Variants in ALG9 observed in about 807,000 individuals in gnomAD.
ALG9 encodes ALG9 alpha-1,2-mannosyltransferase, also known as alpha-1,2-mannosyltransferase ALG9.
In ALG9, 55 loss-of-function variants were observed where a neutral mutation model predicts 81.8. That is an observed-to-expected ratio of 0.67 (90% confidence interval 0.54 to 0.84). The LOEUF (loss-of-function observed/expected upper bound fraction) is 0.84, where lower values mean the gene tolerates loss of function less well. Ranked by LOEUF, ALG9 falls within the 40% of genes least tolerant of loss-of-function variation. The pLI, the probability that ALG9 is intolerant of heterozygous loss-of-function variation, is 0.00. For missense variants in ALG9, 629 were observed against 745.0 expected (o/e 0.84, Z 1.81); for synonymous variants, 278 against 274.3 (o/e 1.01, Z -0.13).
At position 111,852,337 on chromosome 11, in the gene ALG9, T is replaced by TC. The variant is rs1337609987; in HGVS notation, c.895+1042dup. Among the ~76,000 whole-genome samples, 11 of 152,216 alleles carry TC rather than the reference T, an allele frequency of 7.2e-5. No homozygotes were observed. The East Asian group carries it at 1.7e-3, about 24-fold the overall frequency. On this transcript the variant is annotated intron_variant, in intron 8 of 14. Transcript: ENST00000616540. ...TTTGATCCAAAAGATCTCTAGCTCA[T>TC]CCCCCCATTACTGTAACTAACGCAA...
chr11:111,818,520 A>T (rs1951856281), intron 13 of ALG9, among the ~76,000 whole-genome samples: 1 of 152,232 alleles, frequency 6.6e-6, no homozygotes, highest in South Asian at 2.1e-4. Context: ...CTCGTGGAAC[A>T]TTCCCTGTTG....
At chr11:111,861,512 C>T (rs1441312600) in intron 4 of ALG9, among the ~76,000 whole-genome samples, 1 of 152,198 alleles carries the variant, frequency 6.6e-6, no homozygotes, top group Non-Finnish European at 1.5e-5. Flanking sequence ...CTCTCTGTCG[C>T]TCAGGCTGGA....
chr11:111,822,476 C>T (rs1015073298), intron 13 of ALG9, among the ~76,000 whole-genome samples: 7 of 148,382 alleles, frequency 4.7e-5, no homozygotes, highest in Admixed American at 1.4e-4. Flanking sequence ...CTTTGGGAGG[C>T]CAAGGTGGGC....
chr11:111,858,183 T>C (rs1555145018), intron 5 of ALG9, among the ~76,000 whole-genome samples: 2 of 152,080 alleles, frequency 1.3e-5, no homozygotes, highest in African/African-American at 2.4e-5. Flanking sequence ...GATCTGCCTG[T>C]CTCGACCTCC....
intron 12 of ALG9, chr11:111,836,832 A>G (rs1955376345): frequency 5.9e-6 from 1 of 170,578 alleles, no homozygotes; most frequent in Admixed American, 5.7e-5. Context: ...TATGAAGCAT[A>G]AGAAACTACT....
At chr11:111,867,883 A>G (rs1203432425) in intron 3 of ALG9, among the ~76,000 whole-genome samples, 1 of 151,974 alleles carries the variant, frequency 6.6e-6, no homozygotes, top group Non-Finnish European at 1.5e-5. Context: ...GTTAGTGGGA[A>G]GTCTCTACCT....
In ALG9 at chr11:111,862,562, A is replaced by T. The variant is rs375166607; in HGVS notation, c.477-1927T>A. ...GCTTACACATTTCTTAACCTTTTCT[A>T]TATTACCTTTTTTTTTTGGTCTGTC... On this transcript the variant is annotated intron_variant, in intron 4 of 14. Transcript: ENST00000616540. Among the ~76,000 whole-genome samples the T allele has an allele frequency of 2.0e-5, 3 of 150,604 alleles. No homozygotes were observed. The South Asian group carries it at 6.3e-4, about 32-fold the overall frequency.
chr11:111,842,937 T>G (rs946035205), intron 9 of ALG9, among the ~76,000 whole-genome samples: 1 of 151,950 alleles, frequency 6.6e-6, no homozygotes, highest in Non-Finnish European at 1.5e-5. Context: ...TCCACAAGCA[T>G]AAATAATTAT....
At chr11:111,788,503 A>G (rs1555067294) in intron 14 of ALG9, 3 of 452,676 alleles carry the variant, frequency 6.6e-6, no homozygotes, top group Non-Finnish European at 1.3e-5. Flanking sequence ...CAATATTTTG[A>G]GAGGCTGAGG....
intron 14 of ALG9, among the ~76,000 whole-genome samples, chr11:111,795,553 T>C (rs1304035559): frequency 6.6e-6 from 1 of 152,248 alleles, no homozygotes; most frequent in Admixed American, 6.5e-5. Flanking sequence ...ATGTGACCAG[T>C]ATGATATTTT....
chr11:111,849,077 G>A (rs1957357098), intron 8 of ALG9, among the ~76,000 whole-genome samples: 1 of 151,386 alleles, frequency 6.6e-6, no homozygotes, highest in East Asian at 1.9e-4. Context: ...TTGAGACAGG[G>A]TCTCCCTCTG....
At chr11:111,844,817 G>A in intron 8 of ALG9, 94 bp from the exon 9 acceptor site, 4 of 1,378,724 alleles carry the variant, frequency 2.9e-6, no homozygotes, top group Non-Finnish European at 4.1e-6. Flanking sequence ...GAATAACACT[G>A]ATGATCCTAT....
intron 13 of ALG9, among the ~76,000 whole-genome samples, chr11:111,822,760 C>T (rs1555105196): frequency 1.3e-5 from 2 of 151,920 alleles, no homozygotes; most frequent in Admixed American, 6.6e-5. Context: ...CAGTGGCTCA[C>T]GCCTGCAATC....
At chr11:111,862,067 A>G (rs1960359347) in intron 4 of ALG9, among the ~76,000 whole-genome samples, 1 of 152,022 alleles carries the variant, frequency 6.6e-6, no homozygotes, top group African/African-American at 2.4e-5. Context: ...AGCTTGGGAT[A>G]TGTTAGGTTT....
Position 111,857,750 on chromosome 11 carries a change from A to G in ALG9, c.566-13T>C. The G allele has an allele frequency of 6.2e-7, 1 of 1,613,908 alleles. No homozygotes were observed. Among genetic ancestry groups the G allele is most frequent in the Non-Finnish European group, 8.5e-7 (1 of 1,179,948 alleles). On this transcript the variant is annotated splice_polypyrimidine_tract_variant and intron_variant, in intron 5 of 14. Coordinates refer to ENST00000616540, the MANE Select transcript of ALG9 (RefSeq NM_024740.2). ...CTAGGAAGGAATGCTGCAAGAGTAA[A>G]GAAGTGAAAAAAGGCAGGAGGACAA...
At chr11:111,838,459 C>A (rs568958904) in intron 10 of ALG9, 60 bp from the exon 11 acceptor site, 1 of 1,475,982 alleles carries the variant, frequency 6.8e-7, no homozygotes, top group African/African-American at 1.4e-5. Flanking sequence ...ACAGTAACAT[C>A]AAGAGCGAAG....
At chr11:111,842,436 T>C (rs1566025945) in intron 9 of ALG9, among the ~76,000 whole-genome samples, 1 of 152,124 alleles carries the variant, frequency 6.6e-6, no homozygotes, top group African/African-American at 2.4e-5. Context: ...TTTTTTTTTC[T>C]CTTGAGACAG....
chr11:111,865,151 C>G, intron 4 of ALG9, 30 bp downstream of exon 4: 1 of 1,498,248 alleles, frequency 6.7e-7, no homozygotes, highest in African/African-American at 1.4e-5. Context: ...TTCCTCACAG[C>G]ACTTTTAGAA....
chr11:111,820,485 C>A (rs782615994), intron 13 of ALG9, among the ~76,000 whole-genome samples: 1 of 152,152 alleles, frequency 6.6e-6, no homozygotes, highest in East Asian at 1.9e-4. Flanking sequence ...TAAACCACTC[C>A]GGCAATAATG....
Sources: gnomAD v4.1 joint callset for allele counts (sites outside exome capture counted in the v4.1 genomes callset) on GRCh38, gnomAD v4.1.1 for gene constraint, MANE v1.5 for transcripts, NCBI Gene and HGNC (gene_info 2026-07-23, HGNC 2026-07-21) for gene names.